The following CNTLN variants were observed in gnomAD, a reference collection of about 807,000 sequenced individuals.
CNTLN encodes centlein, also known as centlein, centrosomal protein.
Under a neutral mutation model 180.0 loss-of-function variants are expected in CNTLN, and 212 were observed. The ratio of observed to expected loss-of-function variants is 1.18; its 90% CI spans 1.05 to 1.32. The LOEUF is 1.32. CNTLN is among the 40% of genes most tolerant of loss of function. CNTLN has a pLI of 0.00. For synonymous variants in CNTLN, 722 were observed against 563.1 expected (o/e 1.28, Z -3.99); for missense variants, 2,095 against 1,610.9 (o/e 1.30, Z -5.14).
At chr9:17,428,992 G>A (rs747211696) in intron 18 of CNTLN, among the ~76,000 whole-genome samples, 3 of 151,706 alleles carry the variant, frequency 2.0e-5, no homozygotes, top group African/African-American at 4.8e-5. Context: ...GTCTATTATC[G>A]TGAGTTATTT....
the CNTLN span, among the ~76,000 whole-genome samples, chr9:17,520,736 T>C: frequency 6.6e-6 from 1 of 152,222 alleles, no homozygotes; most frequent in Non-Finnish European, 1.5e-5. Context: ...AAGAGCAAAA[T>C]ATCAGCTGAT....
intron 23 of CNTLN, among the ~76,000 whole-genome samples, chr9:17,469,248 A>G (rs1278680703): frequency 2.6e-5 from 4 of 151,958 alleles, no homozygotes; most frequent in South Asian, 4.1e-4. Flanking sequence ...ATAACAATAC[A>G]TATCAGTTTG....
intron 7 of CNTLN, chr9:17,298,946 A>G: frequency 1.0e-6 from 1 of 985,204 alleles, no homozygotes; most frequent in South Asian, 4.7e-5. Flanking sequence ...TACTAATTAA[A>G]AAAAATACCT....
At chr9:17,205,245 T>C (rs1822835907) in intron 2 of CNTLN, among the ~76,000 whole-genome samples, 1 of 152,234 alleles carries the variant, frequency 6.6e-6, no homozygotes, top group South Asian at 2.1e-4. Flanking sequence ...ACACACTTGT[T>C]ACCTTTAAGG....
intron 8 of CNTLN, among the ~76,000 whole-genome samples, chr9:17,314,294 A>T (rs10810751): frequency 0.58 from 87,819 of 151,870 alleles, 25,809 homozygotes; most frequent in East Asian, 0.73. Flanking sequence ...TGGGTCATAC[A>T]TTGTTTCTTC....
rs185029922 is a variant in CNTLN at position 17,502,484 on chromosome 9, A to G, written c.4120-67A>G. The G allele has an allele frequency of 5.7e-5, 41 of 724,452 alleles. No individual in the cohort carries two copies. The Admixed American group carries it at 1.5e-3, about 26-fold the overall frequency. The allele number at this position is 724,452 out of a possible 1,614,324, so 44.9% of individuals were successfully genotyped here. The stretch of plus-strand genomic sequence containing the variant: ...ATCTAACTTCTAATGGTTTAATAAT[A>G]TTTAGTATGTTTTTGAACTGAAGAA... On this transcript the variant is annotated intron_variant, in intron 25 of 25. Coordinates refer to ENST00000380647, the MANE Select transcript of CNTLN (RefSeq NM_017738.4).
At chr9:17,333,331 A>C (rs1023160715) in intron 10 of CNTLN, among the ~76,000 whole-genome samples, 42 of 152,156 alleles carry the variant, frequency 2.8e-4, no homozygotes, top group African/African-American at 9.9e-4. Context: ...TTCAATATGC[A>C]AGTTGTTCAT....
At chr9:17,468,281 A>G (rs1249614492) in intron 23 of CNTLN, among the ~76,000 whole-genome samples, 3 of 151,708 alleles carry the variant, frequency 2.0e-5, no homozygotes, top group Middle Eastern at 3.4e-3. Context: ...AAAACTACCT[A>G]TTGGGTACTA....
At position 17,440,778 on chromosome 9, in the gene CNTLN, CAT is replaced by C. The variant is rs565477397; in HGVS notation, c.3115-16743_3115-16742del. Among the ~76,000 whole-genome samples the C allele has an allele frequency of 3.9e-5, 6 of 152,212 alleles. No homozygotes were observed. The East Asian group carries it at 9.7e-4, about 25-fold the overall frequency. Reference sequence around the variant, plus strand: ...TTAATAAAAAGGAATAAAATACTAACATATGTTACAATATGGATGAACCTTGA... The same window carrying C: ...TTAATAAAAAGGAATAAAATACTAACATGTTACAATATGGATGAACCTTGA... On this transcript the variant is annotated intron_variant, in intron 18 of 25. Coordinates refer to ENST00000380647, the MANE Select transcript of CNTLN (RefSeq NM_017738.4).
intron 7 of CNTLN, among the ~76,000 whole-genome samples, chr9:17,308,336 G>A (rs1216065778): frequency 3.1e-4 from 47 of 152,040 alleles, no homozygotes; most frequent in Admixed American, 3.1e-3. Context: ...AAGGTTTTCA[G>A]TAACTCCCTG....
intron 2 of CNTLN, among the ~76,000 whole-genome samples, chr9:17,223,819 C>T (rs1400663103): frequency 6.6e-6 from 1 of 152,010 alleles, no homozygotes; most frequent in Non-Finnish European, 1.5e-5. Flanking sequence ...GCCTAGAAGG[C>T]CACATATTAT....
At position 17,363,728 on chromosome 9, in the gene CNTLN, T is replaced by G. The variant is rs76460837; in HGVS notation, c.1887-2889T>G. ...TTGAGAATGTTAGTTCTACCTTATT[T>G]TAGCTCATTCAGATATTGCTATGAT... On this transcript the variant is annotated intron_variant, in intron 12 of 25. Transcript: ENST00000380647. 6.4e-4 allele frequency among the ~76,000 whole-genome samples: 98 copies of G among 152,230 alleles called. 1 individual carries two copies. The East Asian group carries it at 0.011, about 17-fold the overall frequency.
intron 5 of CNTLN, among the ~76,000 whole-genome samples, chr9:17,253,871 G>A (rs1326052994): frequency 6.6e-6 from 1 of 150,950 alleles, no homozygotes; most frequent in Admixed American, 6.6e-5. Flanking sequence ...TATAGGAAAG[G>A]TCCTTAATTT....
intron 5 of CNTLN, among the ~76,000 whole-genome samples, chr9:17,262,013 A>G (rs1317007195): frequency 6.6e-6 from 1 of 151,592 alleles, no homozygotes; most frequent in Non-Finnish European, 1.5e-5. Context: ...TGCATATCAA[A>G]ACCACTATGA....
chr9:17,256,285 C>G (rs1020739930), intron 5 of CNTLN, among the ~76,000 whole-genome samples: 4 of 151,934 alleles, frequency 2.6e-5, no homozygotes, highest in African/African-American at 9.7e-5. Context: ...AATGGGATTG[C>G]TGGATCAAAT....
chr9:17,187,737 G>A lies in CNTLN; in HGVS notation c.450-38466G>A, dbSNP rs372698768. Among the ~76,000 whole-genome samples, 11 of 151,422 alleles carry A rather than the reference G, an allele frequency of 7.3e-5. No homozygotes were observed. The South Asian group carries it at 2.3e-3, about 31-fold the overall frequency. On this transcript the variant is annotated intron_variant, in intron 2 of 25. Coordinates refer to ENST00000380647, the MANE Select transcript of CNTLN (RefSeq NM_017738.4). ...ATGTTATTGTTTTGATATTTATAGA[G>A]TGTCATATTTTTACTGTTAGAAATA...
At chr9:17,502,230 A>G (rs2208504) in intron 25 of CNTLN, among the ~76,000 whole-genome samples, 143,082 of 152,320 alleles carry the variant, frequency 0.94, 67,527 homozygotes, top group South Asian at 0.99. Context: ...ACTGTAACCT[A>G]CTATTGATCA....
At chr9:17,265,550 G>C (rs1168568880) in intron 5 of CNTLN, among the ~76,000 whole-genome samples, 1 of 152,118 alleles carries the variant, frequency 6.6e-6, no homozygotes, top group Admixed American at 6.5e-5. Context: ...GATGATGCTG[G>C]CCTCATAAAA....
At chr9:17,426,752 A>T (rs1361255829) in intron 18 of CNTLN, among the ~76,000 whole-genome samples, 3 of 151,898 alleles carry the variant, frequency 2.0e-5, no homozygotes, top group Non-Finnish European at 4.4e-5. Flanking sequence ...CCAGGATGGG[A>T]TGTTTCTACA....
Sources: gnomAD v4.1 joint callset for allele counts (sites outside exome capture counted in the v4.1 genomes callset) on GRCh38, gnomAD v4.1.1 for gene constraint, MANE v1.5 for transcripts, NCBI Gene and HGNC (gene_info 2026-07-23, HGNC 2026-07-21) for gene names.